Variants in ANKS1B observed in about 807,000 individuals in gnomAD.
The protein encoded by ANKS1B is ankyrin repeat and sterile alpha motif domain containing 1B, also known as ankyrin repeat and sterile alpha motif domain-containing protein 1B.
In ANKS1B, 36 loss-of-function variants were observed where a neutral mutation model predicts 148.3. That is an observed-to-expected ratio of 0.24 (90% CI 0.19 to 0.32). ANKS1B has a LOEUF of 0.32. Among genes scored for constraint, ANKS1B ranks in the 10% least tolerant of loss-of-function variants. ANKS1B has a pLI of 1.00. For missense variants in ANKS1B, 1,157 were observed against 1,542.6 expected (o/e 0.75, Z 4.19); for synonymous variants, 542 against 560.8 (o/e 0.97, Z 0.47).
intron 22 of ANKS1B, among the ~76,000 whole-genome samples, chr12:98,783,810 G>A (rs2098761537): frequency 6.6e-6 from 1 of 152,200 alleles, no homozygotes; most frequent in Admixed American, 6.5e-5. Flanking sequence ...TTTCACTAGA[G>A]AGTGACACAA....
chr12:98,888,364 T>G (rs2099744964), intron 17 of ANKS1B, among the ~76,000 whole-genome samples: 1 of 152,198 alleles, frequency 6.6e-6, no homozygotes, highest in Non-Finnish European at 1.5e-5. Context: ...TCACTATTAT[T>G]TCTCACCTGG....
intron 17 of ANKS1B, among the ~76,000 whole-genome samples, chr12:98,999,673 A>G (rs562735081): frequency 6.6e-6 from 1 of 152,330 alleles, no homozygotes; most frequent in South Asian, 2.1e-4. Context: ...ATTCTAACCT[A>G]AGAGCTGGTT....
intron 8 of ANKS1B, among the ~76,000 whole-genome samples, chr12:99,759,423 A>C (rs973782269): frequency 1.3e-5 from 2 of 151,958 alleles, no homozygotes; most frequent in Non-Finnish European, 2.9e-5. Flanking sequence ...TTGTGGCCCA[A>C]ATGGTCTCCT....
At chr12:99,183,994 T>C (rs1329065198) in intron 14 of ANKS1B, among the ~76,000 whole-genome samples, 1 of 152,216 alleles carries the variant, frequency 6.6e-6, no homozygotes, top group Non-Finnish European at 1.5e-5. Flanking sequence ...ATTTCACTTA[T>C]AATATCAAAT....
chr12:99,655,272 C>T (rs2098444499), intron 8 of ANKS1B, 62 bp from the exon 9 acceptor site: 2 of 1,377,142 alleles, frequency 1.5e-6, no homozygotes, highest in Non-Finnish European at 2.0e-6. Context: ...ATCTTAACAT[C>T]AATTAAATTC....
At position 99,359,011 on chromosome 12, in the gene ANKS1B, G is replaced by A. The variant is rs372580927; in HGVS notation, c.1756+40620C>T. ...TGAAACTAAAATCTAAAGTGTGTGA[G>A]ATATAAAGAGAAATTGGCCAGGCAG... On this transcript the variant is annotated intron_variant, in intron 12 of 26. Coordinates refer to ENST00000683438, the MANE Select transcript of ANKS1B (RefSeq NM_001352186.2). Among the ~76,000 whole-genome samples, 112 of 152,230 alleles carry A rather than the reference G, an allele frequency of 7.4e-4. 3 individuals are homozygous for A. The South Asian group carries it at 0.021, about 28-fold the overall frequency.
chr12:99,653,292 T>C (rs190652463), intron 9 of ANKS1B, among the ~76,000 whole-genome samples: 249 of 152,318 alleles, frequency 1.6e-3, no homozygotes, highest in African/African-American at 5.7e-3. Context: ...CTGGCTAATA[T>C]AGTAAATACC....
In ANKS1B at chr12:98,933,023, G is replaced by C. The variant is rs554340922; in HGVS notation, c.2779-100887C>G. On this transcript the variant is annotated intron_variant, in intron 17 of 26. Coordinates refer to ENST00000683438, the MANE Select transcript of ANKS1B (RefSeq NM_001352186.2). Reference sequence around the variant, plus strand: ...ATCTACCTCTGTAAACCATTTTTAAGTGTACATTATTGTTGACTGTAAGGA... The same window carrying C: ...ATCTACCTCTGTAAACCATTTTTAACTGTACATTATTGTTGACTGTAAGGA... Among the ~76,000 whole-genome samples the C allele has an allele frequency of 2.0e-5, 3 of 152,270 alleles. No homozygotes were observed. The South Asian group carries it at 6.2e-4, about 32-fold the overall frequency.
intron 17 of ANKS1B, among the ~76,000 whole-genome samples, chr12:98,854,769 G>A (rs915555824): frequency 1.3e-5 from 2 of 152,176 alleles, no homozygotes; most frequent in African/African-American, 4.8e-5. Context: ...CAGAATTAGG[G>A]GAAGGGTAGT....
chr12:99,103,355 T>C (rs922974929), intron 15 of ANKS1B, among the ~76,000 whole-genome samples: 2 of 152,178 alleles, frequency 1.3e-5, no homozygotes, highest in African/African-American at 2.4e-5. Flanking sequence ...CCTTGCTATT[T>C]TGACTAGTTT....
At chr12:99,491,165 C>T (rs1160615279) in intron 10 of ANKS1B, among the ~76,000 whole-genome samples, 3 of 151,964 alleles carry the variant, frequency 2.0e-5, no homozygotes, top group East Asian at 3.9e-4. Context: ...ATTAGCTGGG[C>T]GCAGTGGTGG....
At chr12:99,619,355 C>T (rs1270101925) in intron 9 of ANKS1B, among the ~76,000 whole-genome samples, 2 of 151,974 alleles carry the variant, frequency 1.3e-5, no homozygotes, top group Admixed American at 6.6e-5. Flanking sequence ...CTCTCTATTC[C>T]TAATGTGGCC....
At chr12:99,115,839 G>A (rs2061254117) in intron 15 of ANKS1B, among the ~76,000 whole-genome samples, 1 of 151,206 alleles carries the variant, frequency 6.6e-6, no homozygotes, top group Non-Finnish European at 1.5e-5. Flanking sequence ...GGCTGAGGCA[G>A]GAGAATCACT....
At chr12:99,127,555 C>T (rs1194913581) in intron 15 of ANKS1B, among the ~76,000 whole-genome samples, 1 of 152,222 alleles carries the variant, frequency 6.6e-6, no homozygotes, top group Non-Finnish European at 1.5e-5. Flanking sequence ...AAACACAATA[C>T]ACCACCCTGA....
At chr12:99,371,562 GCACA>G (rs34852766) in intron 12 of ANKS1B, among the ~76,000 whole-genome samples, 306 of 150,182 alleles carry the variant, frequency 2.0e-3, no homozygotes, top group African/African-American at 6.7e-3. Context: ...ATACACATGT[GCACA>G]CACACACACA....
intron 15 of ANKS1B, among the ~76,000 whole-genome samples, chr12:99,135,819 A>G (rs555550562): frequency 6.6e-6 from 1 of 152,220 alleles, no homozygotes; most frequent in African/African-American, 2.4e-5. Flanking sequence ...AGTGGATTCA[A>G]TGGAGGACTG....
intron 9 of ANKS1B, among the ~76,000 whole-genome samples, chr12:99,633,141 C>A (rs2098190233): frequency 6.6e-6 from 1 of 151,824 alleles, no homozygotes; most frequent in African/African-American, 2.4e-5. Flanking sequence ...GCCACATTTT[C>A]TTAATCCAGT....
intron 17 of ANKS1B, among the ~76,000 whole-genome samples, chr12:99,003,744 A>G (rs934694378): frequency 1.3e-5 from 2 of 152,306 alleles, no homozygotes; most frequent in South Asian, 2.1e-4. Flanking sequence ...AGCTGCACGC[A>G]TGGGCAGACC....
chr12:99,104,334 T>G (rs2058670632), intron 15 of ANKS1B, among the ~76,000 whole-genome samples: 1 of 152,208 alleles, frequency 6.6e-6, no homozygotes. Context: ...TAATCTTACT[T>G]TTTAAAAGAC....
Sources: allele counts gnomAD v4.1 joint callset (sites outside exome capture counted in the v4.1 genomes callset), GRCh38; gene constraint gnomAD v4.1.1; transcripts MANE v1.5; gene names NCBI Gene and HGNC (gene_info 2026-07-23, HGNC 2026-07-21).